Variants in GHR observed in about 807,000 individuals in gnomAD.
GHR encodes the protein GH receptor.
In GHR, 35 loss-of-function variants were observed where a neutral mutation model predicts 67.1. The ratio of observed to expected loss-of-function variants is 0.52; its 90% confidence interval spans 0.40 to 0.69. GHR has a LOEUF of 0.69. GHR is among the 30% of genes least tolerant of loss of function. GHR has a pLI of 0.00. For synonymous variants in GHR, 272 were observed against 269.1 expected (o/e 1.01, Z -0.10); for missense variants, 792 against 764.6 (o/e 1.04, Z -0.42).
intron 2 of GHR, among the ~76,000 whole-genome samples, chr5:42,590,165 T>C (rs1751701088): frequency 6.6e-6 from 1 of 152,230 alleles, no homozygotes; most frequent in Non-Finnish European, 1.5e-5. Context: ...CTCTCAATTA[T>C]AGCTGGGCAA....
intron 2 of GHR, among the ~76,000 whole-genome samples, chr5:42,578,300 G>A (rs558503064): frequency 6.6e-6 from 1 of 152,286 alleles, no homozygotes; most frequent in African/African-American, 2.4e-5. Context: ...CAGGATTGTT[G>A]TGGGGATCAA....
intron 3 of GHR, among the ~76,000 whole-genome samples, chr5:42,641,004 G>A (rs1362354603): frequency 1.3e-5 from 2 of 152,114 alleles, no homozygotes; most frequent in Admixed American, 1.3e-4. Flanking sequence ...GGAAAGGCAG[G>A]CACTCAAACA....
intron 1 of GHR, among the ~76,000 whole-genome samples, chr5:42,489,635 C>G (rs1233497895): frequency 6.6e-6 from 1 of 152,132 alleles, no homozygotes; most frequent in Non-Finnish European, 1.5e-5. Context: ...AGGCTCATCA[C>G]TTTGCCTTCT....
intron 1 of GHR, among the ~76,000 whole-genome samples, chr5:42,456,026 T>C (rs887295576): frequency 5.3e-5 from 8 of 152,206 alleles, no homozygotes; most frequent in African/African-American, 1.9e-4. Context: ...AGGTTAGAAA[T>C]TTCGGGCCAC....
At chr5:42,600,693 G>A (rs541412421) in intron 2 of GHR, among the ~76,000 whole-genome samples, 1 of 152,224 alleles carries the variant, frequency 6.6e-6, no homozygotes, top group East Asian at 1.9e-4. Context: ...AGCCCCTAGG[G>A]TATGACACCT....
At chr5:42,438,401 T>G (rs1743426470) in intron 1 of GHR, among the ~76,000 whole-genome samples, 1 of 152,196 alleles carries the variant, frequency 6.6e-6, no homozygotes, top group African/African-American at 2.4e-5. Context: ...AAGTGGAATT[T>G]AATTCCCCCC....
chr5:42,721,136 G>A lies in GHR; in HGVS notation c.*1712G>A, dbSNP rs2111883950. On this transcript the variant is annotated 3_prime_UTR_variant, in exon 10 of 10. Transcript: ENST00000230882. ...AGACGGGGTTTCACCATGTTGGCCAGGATGGTCTCGATCTCCTGACCTCGT... is the reference window on the plus strand; with the variant it reads ...AGACGGGGTTTCACCATGTTGGCCAAGATGGTCTCGATCTCCTGACCTCGT... The A allele has an allele frequency of 6.6e-6, 1 of 152,320 alleles. No individual in the cohort carries two copies. Among genetic ancestry groups the A allele is most frequent in the African/African-American group, 2.4e-5 (1 of 41,518 alleles). The allele number at this position is 152,320 out of a possible 1,614,324, so 9.4% of individuals were successfully genotyped here.
At chr5:42,600,466 A>G (rs577928057) in intron 2 of GHR, among the ~76,000 whole-genome samples, 94 of 152,284 alleles carry the variant, frequency 6.2e-4, no homozygotes, top group Non-Finnish European at 1.1e-3. Context: ...GACATGCATC[A>G]CTCACTGAAA....
At chr5:42,709,819 C>T (rs140439878) in intron 6 of GHR, among the ~76,000 whole-genome samples, 6 of 152,100 alleles carry the variant, frequency 3.9e-5, no homozygotes, top group African/African-American at 7.2e-5. Flanking sequence ...AACAGTTCCC[C>T]GCACAGGCAG....
chr5:42,512,736 T>C (rs76962448), intron 1 of GHR, among the ~76,000 whole-genome samples: 3 of 152,332 alleles, frequency 2.0e-5, no homozygotes, highest in East Asian at 3.9e-4. Context: ...AGGCTGCCTA[T>C]TGAAAACTAA....
At chr5:42,701,808 T>G (rs572397557) in intron 6 of GHR, among the ~76,000 whole-genome samples, 1 of 152,312 alleles carries the variant, frequency 6.6e-6, no homozygotes, top group South Asian at 2.1e-4. Flanking sequence ...ATAAAATGTA[T>G]GAACATTTAG....
At chr5:42,584,236 C>G (rs894121811) in intron 2 of GHR, among the ~76,000 whole-genome samples, 1 of 151,838 alleles carries the variant, frequency 6.6e-6, no homozygotes, top group East Asian at 1.9e-4. Flanking sequence ...TATTAAGGCT[C>G]GAGGTACTAA....
At chr5:42,597,000 C>T (rs529239984) in intron 2 of GHR, among the ~76,000 whole-genome samples, 133 of 152,270 alleles carry the variant, frequency 8.7e-4, no homozygotes, top group African/African-American at 2.6e-3. Flanking sequence ...TTAGGAATGG[C>T]TGGGTGATGA....
intron 2 of GHR, among the ~76,000 whole-genome samples, chr5:42,578,500 A>C (rs1750891646): frequency 6.6e-6 from 1 of 152,208 alleles, no homozygotes; most frequent in Admixed American, 6.5e-5. Flanking sequence ...AAGAGAGATC[A>C]TGTCAGATGT....
chr5:42,599,357 ATTT>A (rs36037535), intron 2 of GHR, among the ~76,000 whole-genome samples: 1,416 of 103,864 alleles, frequency 0.014, 12 homozygotes, highest in African/African-American at 0.055. Flanking sequence ...CCTACAGCAC[ATTT>A]TTTTTTTTTT....
chr5:42,579,910 T>A (rs1229105421), intron 2 of GHR, among the ~76,000 whole-genome samples: 1 of 152,102 alleles, frequency 6.6e-6, no homozygotes, highest in African/African-American at 2.4e-5. Flanking sequence ...CATGCTGTTT[T>A]TTTTTTTTAA....
chr5:42,630,170 T>C (rs1753871402), intron 3 of GHR, among the ~76,000 whole-genome samples: 1 of 132,376 alleles, frequency 7.6e-6, no homozygotes, highest in African/African-American at 3.2e-5. Context: ...ACTCACCAGA[T>C]TGTGTGGACT....
chr5:42,615,038 G>C (rs916111558), intron 2 of GHR, among the ~76,000 whole-genome samples: 4 of 151,976 alleles, frequency 2.6e-5, no homozygotes, highest in African/African-American at 9.7e-5. Flanking sequence ...CCACTAACTT[G>C]GTAAAAGTTG....
At chr5:42,680,449 T>G (rs892846942) in intron 3 of GHR, among the ~76,000 whole-genome samples, 1 of 152,162 alleles carries the variant, frequency 6.6e-6, no homozygotes. Flanking sequence ...TTCTTTTTTT[T>G]TCTTTTTTTT....
Sources: allele counts gnomAD v4.1 joint callset (sites outside exome capture counted in the v4.1 genomes callset), GRCh38; gene constraint gnomAD v4.1.1; transcripts MANE v1.5; gene names NCBI Gene and HGNC (gene_info 2026-07-23, HGNC 2026-07-21).